Variants in CIMAP1D observed in about 807,000 individuals in gnomAD.
CIMAP1D encodes protein CIMAP1D.
At chr19:466,778 TG>T in the CIMAP1D span, among the ~76,000 whole-genome samples, 1 of 104,354 alleles carries the variant, frequency 9.6e-6, no homozygotes, top group Non-Finnish European at 1.9e-5. Context: ...GATGGATGAG[TG>T]GATTGATGGA....
At chr19:473,047 C>T in the CIMAP1D span, among the ~76,000 whole-genome samples, 1 of 120,202 alleles carries the variant, frequency 8.3e-6, no homozygotes, top group Admixed American at 9.7e-5. Flanking sequence ...AACTGAGGCC[C>T]AGGCAGAGAT....
At chr19:481,147 T>G in the CIMAP1D span, among the ~76,000 whole-genome samples, 4 of 36,376 alleles carry the variant, frequency 1.1e-4, no homozygotes, top group African/African-American at 6.2e-4. Context: ...GGAAGGATGA[T>G]GGGAAGGATG....
At chr19:491,270 G>A in the CIMAP1D span, among the ~76,000 whole-genome samples, 8 of 152,134 alleles carry the variant, frequency 5.3e-5, no homozygotes, top group African/African-American at 1.4e-4. Flanking sequence ...GAGTGACTCC[G>A]TCTCAAAAAA....
chr19:476,067 C>T, the CIMAP1D span, among the ~76,000 whole-genome samples: 11 of 136,266 alleles, frequency 8.1e-5, no homozygotes, highest in African/African-American at 3.0e-4. Context: ...GGCGCGATCT[C>T]GGCTCACTGG....
chr19:474,675 G>A, the CIMAP1D span: 1 of 1,580,722 alleles, frequency 6.3e-7, no homozygotes, highest in Non-Finnish European at 8.6e-7. Context: ...TCCGGAATCT[G>A]GCCCTCCGTC....
At chr19:490,110 C>G in the CIMAP1D span, 2 of 395,680 alleles carry the variant, frequency 5.1e-6, no homozygotes, top group Admixed American at 4.4e-5. Context: ...AATCCCAGCA[C>G]TGTGGGAGGC....
chr19:488,925 G>C, the CIMAP1D span, among the ~76,000 whole-genome samples: 1 of 151,858 alleles, frequency 6.6e-6, no homozygotes, highest in South Asian at 2.1e-4. Flanking sequence ...CGAGGAGACC[G>C]ACCACGGGGC....
chr19:479,031 G>A, the CIMAP1D span, among the ~76,000 whole-genome samples: 11 of 152,350 alleles, frequency 7.2e-5, no homozygotes, highest in African/African-American at 2.2e-4. Flanking sequence ...TGGAGGAAAC[G>A]TGGGCGAAGG....
the CIMAP1D span, among the ~76,000 whole-genome samples, chr19:486,435 A>ATTGATTGAT: frequency 6.6e-6 from 1 of 151,670 alleles, no homozygotes; most frequent in South Asian, 2.1e-4. Context: ...TGATTGATTG[A>ATTGATTGAT]TTTTTTGTTT....
At chr19:491,009 T>A in the CIMAP1D span, among the ~76,000 whole-genome samples, 1 of 152,130 alleles carries the variant, frequency 6.6e-6, no homozygotes, top group African/African-American at 2.4e-5. Flanking sequence ...TGAGACAGAA[T>A]TGCTTAAACC....
the CIMAP1D span, chr19:472,708 G>T: frequency 1.9e-6 from 1 of 524,752 alleles, no homozygotes; most frequent in Non-Finnish European, 3.4e-6. Flanking sequence ...GGAAAAGCTG[G>T]GGACAGCAGC....
the CIMAP1D span, among the ~76,000 whole-genome samples, chr19:471,910 T>C: frequency 1.3e-5 from 2 of 152,052 alleles, no homozygotes; most frequent in Non-Finnish European, 2.9e-5. Flanking sequence ...GCCCGGCTAA[T>C]TTTTCTTTGG....
At chr19:483,274 C>T in the CIMAP1D span, among the ~76,000 whole-genome samples, 1 of 150,980 alleles carries the variant, frequency 6.6e-6, no homozygotes, top group Admixed American at 6.6e-5. Context: ...CCACCCCCAC[C>T]TCCTCAGGGA....
At chr19:491,602 T>C in the CIMAP1D span, among the ~76,000 whole-genome samples, 1 of 150,748 alleles carries the variant, frequency 6.6e-6, no homozygotes, top group Admixed American at 6.6e-5. Context: ...GCCCCAGGCC[T>C]CGCCGCTTCC....
At chr19:484,890 A>T in the CIMAP1D span, among the ~76,000 whole-genome samples, 14 of 152,108 alleles carry the variant, frequency 9.2e-5, no homozygotes, top group Non-Finnish European at 1.9e-4. Context: ...CACGGCCTGA[A>T]TTGGGTTTGA....
the CIMAP1D span, chr19:464,205 C>G: frequency 1.3e-6 from 2 of 1,515,542 alleles, no homozygotes; most frequent in South Asian, 2.5e-5. Context: ...CTGTGAGCCC[C>G]ACAGAGGGGG....
At chr19:463,460 C>T in the CIMAP1D span, 3 of 293,648 alleles carry the variant, frequency 1.0e-5, no homozygotes, top group Non-Finnish European at 1.9e-5. Flanking sequence ...GGGCTGGGAC[C>T]GGGGCTAACC....
At chr19:476,079 AC>A in the CIMAP1D span, among the ~76,000 whole-genome samples, 8 of 130,400 alleles carry the variant, frequency 6.1e-5, no homozygotes, top group South Asian at 2.0e-3. Flanking sequence ...GCTCACTGGA[AC>A]CTCCGCCTCC....
the CIMAP1D span, among the ~76,000 whole-genome samples, chr19:469,690 C>CAAAAAGAAAAAG: frequency 9.9e-5 from 15 of 151,308 alleles, no homozygotes; most frequent in South Asian, 4.2e-4. Flanking sequence ...GACTCAGTCT[C>CAAAAAGAAAAAG]AAAAAGAAAA....
Sources: allele counts gnomAD v4.1 joint callset (sites outside exome capture counted in the v4.1 genomes callset), GRCh38; gene constraint gnomAD v4.1.1; transcripts MANE v1.5; gene names NCBI Gene and HGNC (gene_info 2026-07-23, HGNC 2026-07-21).